Variants in POR observed in about 807,000 individuals in gnomAD.
The protein encoded by POR is cytochrome p450 oxidoreductase, also known as NADPH--cytochrome P450 reductase.
A neutral mutation model predicts 84.0 loss-of-function variants in POR; 56 were observed. The ratio of observed to expected loss-of-function variants is 0.67; its 90% CI spans 0.54 to 0.83. The LOEUF is 0.83. Among genes scored for constraint, POR ranks in the 40% least tolerant of loss-of-function variants. POR has a pLI of 0.00. For synonymous variants in POR, 414 were observed against 400.5 expected (o/e 1.03, Z -0.40); for missense variants, 938 against 944.3 (o/e 0.99, Z 0.09).
chr7:75,985,677 C>T lies in POR; in HGVS notation c.1497C>T (p.Ala499=). ...GCGTGGCCACCAACTGGCTGCGGGC[C>T]AAGGAGCCTGCCGGGGAGAACGGCG... Residue 499 remains alanine (A), a synonymous_variant, in exon 13 of 16, where the codon GCC becomes GCT. Coordinates refer to ENST00000461988, the MANE Select transcript of POR (RefSeq NM_000941.3). The T allele has an allele frequency of 1.3e-6, 2 of 1,594,554 alleles. No individual in the cohort carries two copies. The highest frequency in any genetic ancestry group is 1.7e-6 in the Non-Finnish European group (2 of 1,171,984).
rs548025305 is a variant in POR at position 75,985,438 on chromosome 7, G to A, written c.1399-141G>A. ...AGAACCAGTCCGGGAAGCCGCTGGGGAGGGGGCCTCTGAGGTTTGGGTGCC... is the reference window on the plus strand; with the variant it reads ...AGAACCAGTCCGGGAAGCCGCTGGGAAGGGGGCCTCTGAGGTTTGGGTGCC... On this transcript the variant is annotated intron_variant, in intron 12 of 15. Transcript: ENST00000461988. The A allele has an allele frequency of 3.5e-5, 42 of 1,189,546 alleles. 1 individual carries two copies. The East Asian group carries it at 9.7e-4, about 27-fold the overall frequency. The allele number at this position is 1,189,546 out of a possible 1,614,324, so 73.7% of individuals were successfully genotyped here.
intron 3 of POR, among the ~76,000 whole-genome samples, chr7:75,976,050 T>C (rs1437676092): frequency 6.6e-6 from 1 of 152,048 alleles, no homozygotes; most frequent in Non-Finnish European, 1.5e-5. Flanking sequence ...TCGGGGTGCT[T>C]TTCCATTGGC....
chr7:75,926,571 A>C (rs1334865937), intron 1 of POR, among the ~76,000 whole-genome samples: 3 of 151,902 alleles, frequency 2.0e-5, no homozygotes, highest in Non-Finnish European at 2.9e-5. Context: ...CGAGGCGGGC[A>C]GATCACCTGA....
chr7:75,985,313 T>TC, intron 12 of POR, 106 bp downstream of exon 12: 1 of 1,382,230 alleles, frequency 7.2e-7, no homozygotes, highest in Non-Finnish European at 9.6e-7. Flanking sequence ...AGCCCTGAGC[T>TC]CCAGTTCCAG....
Position 75,979,595 on chromosome 7 carries a change from G to A in POR, c.366+16G>A, listed in dbSNP as rs782083860. ...GTATGACCTGGTAAGCTGCCACCGC[G>A]TGCTGGCCCCAGATGGAGGCAGTGG... On this transcript the variant is annotated intron_variant, in intron 4 of 15. Transcript: ENST00000461988. 23 of 1,612,254 alleles carry A rather than the reference G, an allele frequency of 1.4e-5. No homozygotes were observed. The highest frequency in any genetic ancestry group is 4.0e-5 in the African/African-American group (3 of 75,056).
rs1353884200 is a variant in POR, at chr7:75,986,194, G to A, written c.1851G>A (p.Glu617=). ...AGCACCTGCTAAAGCAAGACCGAGA[G>A]CACCTGTGGAAGTTGATCGAAGGCG... Residue 617 remains glutamate, a synonymous_variant, in exon 15 of 16, where the codon GAG becomes GAA. Coordinates refer to ENST00000461988, the MANE Select transcript of POR (RefSeq NM_000941.3). The A allele has an allele frequency of 1.2e-6, 2 of 1,612,396 alleles. No homozygotes were observed. The highest frequency in any genetic ancestry group is 1.7e-5 in the Admixed American group (1 of 59,960).
chr7:75,965,964 T>C lies in POR; in HGVS notation c.189-6449T>C, dbSNP rs564281616. Among the ~76,000 whole-genome samples the C allele has an allele frequency of 9.9e-5, 15 of 152,198 alleles. 1 individual carries two copies. In the South Asian group the frequency reaches 3.1e-3, roughly 32 times the overall value. ...TAAAGCCGGGGGAGGTGCACCTTGCTTGGGGAGCAGACAGGAACCCCGGGT... is the reference window on the plus strand; with the variant it reads ...TAAAGCCGGGGGAGGTGCACCTTGCCTGGGGAGCAGACAGGAACCCCGGGT... On this transcript the variant is annotated intron_variant, in intron 2 of 15. Transcript: ENST00000461988.
intron 2 of POR, among the ~76,000 whole-genome samples, chr7:75,958,000 G>C (rs1787760285): frequency 6.6e-6 from 1 of 152,184 alleles, no homozygotes; most frequent in African/African-American, 2.4e-5. Context: ...CCAACTGTAA[G>C]CTGGAGGTAG....
chr7:75,968,319 G>A (rs1554555650), intron 2 of POR: 2 of 466,772 alleles, frequency 4.3e-6, no homozygotes, highest in Non-Finnish European at 4.4e-6. Flanking sequence ...TCTGGCGAGG[G>A]ACTCAGCCAG....
At chr7:75,985,899 C>T (rs1789419153) in intron 13 of POR, 24 bp from the exon 14 acceptor site, 3 of 1,563,948 alleles carry the variant, frequency 1.9e-6, no homozygotes, top group South Asian at 1.2e-5. Flanking sequence ...GAGCCCCGCG[C>T]TCACCCCGGC....
In POR at chr7:75,986,166, T is replaced by C. The variant is rs1363059901; in HGVS notation, c.1823T>C (p.Val608Ala). ...CACCACCCTTGGCCCCAGGTCTACGTCCAGCACCTGCTAAAGCAAGACCGA... is the reference window on the plus strand; with the variant it reads ...CACCACCCTTGGCCCCAGGTCTACGCCCAGCACCTGCTAAAGCAAGACCGA... Residue 608 changes from valine to alanine, a missense_variant, in exon 15 of 16, where the codon GTC (valine) becomes GCC (alanine). Coordinates refer to ENST00000461988, the MANE Select transcript of POR (RefSeq NM_000941.3). 3 of 1,611,164 alleles carry C rather than the reference T, an allele frequency of 1.9e-6. No homozygotes were observed. The highest frequency in any genetic ancestry group is 2.5e-6 in the Non-Finnish European group (3 of 1,179,236).
At chr7:75,931,033 G>A (rs2116272535) in intron 1 of POR, among the ~76,000 whole-genome samples, 1 of 151,974 alleles carries the variant, frequency 6.6e-6, no homozygotes, top group East Asian at 1.9e-4. Context: ...ATGTTACCCA[G>A]GCTGGTCTCA....
chr7:75,934,575 TG>T (rs149833705), intron 1 of POR, among the ~76,000 whole-genome samples: 12,015 of 152,038 alleles, frequency 0.079, 1,449 homozygotes, highest in African/African-American at 0.26. Flanking sequence ...GCCAAGACTG[TG>T]GGGAAAAAAA....
chr7:75,952,393 G>A (rs1787477491), intron 1 of POR, among the ~76,000 whole-genome samples: 1 of 138,722 alleles, frequency 7.2e-6, no homozygotes. Context: ...TCCCGGACGG[G>A]GCAGCTGGCC....
At chr7:75,923,235 G>A (rs1289171441) in intron 1 of POR, 4 of 1,125,476 alleles carry the variant, frequency 3.6e-6, no homozygotes, top group Admixed American at 3.4e-5. Flanking sequence ...GGAGCACCTG[G>A]GAAAGCTTGG....
At chr7:75,984,311 T>C (rs1480219374) in intron 10 of POR, among the ~76,000 whole-genome samples, 2 of 152,128 alleles carry the variant, frequency 1.3e-5, no homozygotes, top group Non-Finnish European at 2.9e-5. Context: ...CTGGGCCTGG[T>C]GGGGCTGCCC....
chr7:75,965,360 A>C (rs73364000), intron 2 of POR, among the ~76,000 whole-genome samples: 8,368 of 152,246 alleles, frequency 0.055, 716 homozygotes, highest in African/African-American at 0.19. Flanking sequence ...TCCATTTTAC[A>C]AATGGCAGTG....
intron 2 of POR, among the ~76,000 whole-genome samples, chr7:75,971,255 C>G (rs1213690988): frequency 1.3e-5 from 2 of 152,026 alleles, no homozygotes; most frequent in Non-Finnish European, 2.9e-5. Flanking sequence ...GCCACTATGC[C>G]CGACCAAAAA....
At chr7:75,980,902 C>T (rs1427643155) in intron 5 of POR, 146 bp from the exon 6 acceptor site, 9 of 1,124,708 alleles carry the variant, frequency 8.0e-6, no homozygotes, top group Admixed American at 2.9e-5. Context: ...GTGTTCCTTG[C>T]AGTGCGAGGC....
Sources: gnomAD v4.1 joint callset for allele counts (sites outside exome capture counted in the v4.1 genomes callset) on GRCh38, gnomAD v4.1.1 for gene constraint, MANE v1.5 for transcripts, NCBI Gene and HGNC (gene_info 2026-07-23, HGNC 2026-07-21) for gene names.